ANK2: variants seen among roughly 807,000 people sequenced by gnomAD.
The protein encoded by ANK2 is ankyrin-2.
ANK2 carries 83 observed loss-of-function variants against 360.5 expected under a neutral mutation model. That is an observed-to-expected ratio of 0.23 (90% CI 0.19 to 0.28). The LOEUF is 0.28. Ranked by LOEUF, ANK2 falls within the 10% of genes least tolerant of loss-of-function variation. The probability of loss-of-function intolerance (pLI) is 1.00; values close to 1 mark genes in which losing one functional copy is unlikely to be tolerated. For missense variants in ANK2, 4,201 were observed against 4,795.7 expected (o/e 0.88, Z 3.66); for synonymous variants, 1,740 against 1,759.5 (o/e 0.99, Z 0.28).
rs1000587271 is a variant in ANK2, at chr4:113,106,686, TTTTTG to T, written c.84+56888_84+56892del. ...TGTGGTTGTATGTGTTGTTAGTTTGTTTTTGTTTTGTTTTGTTTGGGAAAGGTGAC... is the reference window on the plus strand; with the variant it reads ...TGTGGTTGTATGTGTTGTTAGTTTGTTTTTGTTTTGTTTGGGAAAGGTGAC... On this transcript the variant is annotated intron_variant, in intron 1 of 45. Coordinates refer to ENST00000357077, the MANE Select transcript of ANK2 (RefSeq NM_001148.6). Among the ~76,000 whole-genome samples the T allele has an allele frequency of 2.6e-5, 4 of 152,162 alleles. No homozygotes were observed. In the South Asian group the frequency reaches 8.3e-4, roughly 32 times the overall value.
chr4:113,086,993 AT>A (rs1473288011), intron 1 of ANK2, among the ~76,000 whole-genome samples: 10 of 152,170 alleles, frequency 6.6e-5, no homozygotes, highest in African/African-American at 2.4e-4. Flanking sequence ...ATGTTGGGTG[AT>A]AGGAATACAG....
intron 2 of ANK2, among the ~76,000 whole-genome samples, chr4:112,919,381 T>A (rs2090849067): frequency 6.6e-6 from 1 of 152,146 alleles, no homozygotes; most frequent in Non-Finnish European, 1.5e-5. Flanking sequence ...TTATTTTAAA[T>A]TAAAAACTAT....
At chr4:113,340,983 T>G (rs557029682) in intron 32 of ANK2, among the ~76,000 whole-genome samples, 2 of 152,352 alleles carry the variant, frequency 1.3e-5, no homozygotes, top group South Asian at 4.1e-4. Flanking sequence ...TGGTGAGGGA[T>G]GAAGCTTAAA....
chr4:112,898,792 C>T lies in ANK2; in HGVS notation c.-39-5663C>T, dbSNP rs1015688172. Among the ~76,000 whole-genome samples the T allele has an allele frequency of 3.9e-5, 6 of 152,128 alleles. No individual in the cohort carries two copies. In the East Asian group the frequency reaches 1.2e-3, roughly 29 times the overall value. On this transcript the variant is annotated intron_variant, in intron 1 of 30. Transcript: ENST00000503271. ...TAACTAAGCTCATGGCTTACTCAGACCTTTTTCCAAGAGAAAGAATTTTTT... is the reference window on the plus strand; with the variant it reads ...TAACTAAGCTCATGGCTTACTCAGATCTTTTTCCAAGAGAAAGAATTTTTT...
chr4:112,730,655 A>AG, the ANK2 span, among the ~76,000 whole-genome samples: 4 of 150,312 alleles, frequency 2.7e-5, no homozygotes, highest in Admixed American at 6.6e-5. Flanking sequence ...AAAAAAAAAA[A>AG]AAAGAAAGAA....
In ANK2 at chr4:112,979,164, T is replaced by C. The variant is rs1436210293; in HGVS notation, c.21+74650T>C. On this transcript the variant is annotated intron_variant, in intron 2 of 30. Transcript: ENST00000503271. ...GCTCGTGCTACCAGCCCAGATCCCATATCTGCCAAGGGCGAGCCAGGTGCA... is the reference window on the plus strand; with the variant it reads ...GCTCGTGCTACCAGCCCAGATCCCACATCTGCCAAGGGCGAGCCAGGTGCA... Among the ~76,000 whole-genome samples the C allele has an allele frequency of 2.6e-5, 4 of 152,310 alleles. 1 individual carries two copies. Among genetic ancestry groups the C allele is most frequent in the Middle Eastern group, 3.4e-3 (1 of 294 alleles).
chr4:112,895,851 GA>G (rs1451566660), intron 1 of ANK2, among the ~76,000 whole-genome samples: 2 of 152,220 alleles, frequency 1.3e-5, no homozygotes, highest in African/African-American at 4.8e-5. Flanking sequence ...GTTCTTGGTT[GA>G]CAGTAATGTC....
chr4:112,904,703 G>T (rs2150923352), intron 2 of ANK2, among the ~76,000 whole-genome samples: 1 of 152,126 alleles, frequency 6.6e-6, no homozygotes, highest in Middle Eastern at 3.4e-3. Context: ...TGTAGTCTAG[G>T]CAATTATCAT....
chr4:113,229,773 C>A (rs1195928168), intron 4 of ANK2, among the ~76,000 whole-genome samples: 1 of 152,166 alleles, frequency 6.6e-6, no homozygotes, highest in African/African-American at 2.4e-5. Context: ...GGACCCAGGG[C>A]AGGGTCCTTT....
rs556995644 is a variant in ANK2 at position 112,842,832 on chromosome 4, A to G, written c.-40+24568A>G. On this transcript the variant is annotated intron_variant, in intron 1 of 30. Coordinates refer to the ANK2 transcript ENST00000503271. ...GCTGTAACAAAGCTCTATTTAAGACAAAAGACATTTATTATCTTACAATTA... is the reference window on the plus strand; with the variant it reads ...GCTGTAACAAAGCTCTATTTAAGACGAAAGACATTTATTATCTTACAATTA... Among the ~76,000 whole-genome samples, 8 of 152,360 alleles carry G rather than the reference A, an allele frequency of 5.3e-5. No homozygotes were observed. In the East Asian group the frequency reaches 1.3e-3, roughly 26 times the overall value.
intron 1 of ANK2, among the ~76,000 whole-genome samples, chr4:113,068,902 A>G (rs2076553749): frequency 6.6e-6 from 1 of 152,094 alleles, no homozygotes; most frequent in Middle Eastern, 3.2e-3. Context: ...TCTGTACAAA[A>G]AGTTTTCAAA....
chr4:113,300,350 T>C (rs1392878734), intron 22 of ANK2, among the ~76,000 whole-genome samples: 2 of 149,962 alleles, frequency 1.3e-5, no homozygotes, highest in Non-Finnish European at 3.0e-5. Context: ...TAACTAAAAT[T>C]CCACCCAAAG....
chr4:112,790,120 A>G, the ANK2 span, among the ~76,000 whole-genome samples: 1 of 152,230 alleles, frequency 6.6e-6, no homozygotes, highest in Admixed American at 6.5e-5. Flanking sequence ...CATTTCTTCT[A>G]TATGGTAGAG....
Position 113,332,033 on chromosome 4 carries a change from A to C in ANK2, c.3187A>C (p.Ile1063Leu). 2 of 1,614,134 alleles carry C rather than the reference A, an allele frequency of 1.2e-6. No individual in the cohort carries two copies. Among genetic ancestry groups the C allele is most frequent in the South Asian group, 2.2e-5 (2 of 91,072 alleles). ...TGAGGGAGAAAGTTTGGTCAGCCGCATTCTTCAGCTGGGGCCTCCTGGAAC... is the reference window on the plus strand; with the variant it reads ...TGAGGGAGAAAGTTTGGTCAGCCGCCTTCTTCAGCTGGGGCCTCCTGGAAC... ...LNEGESLVSR[I>L]LQLGPPGTKF... Residue 1063 changes from isoleucine to leucine, a missense_variant, in exon 28 of 46, where the codon ATT (isoleucine) becomes CTT (leucine). Ile to Leu is a conservative substitution (Grantham distance 5). This residue lies in a region of ANK2 where 1,268 missense variants were observed against 1,650.8 expected (regional missense o/e 0.77). Transcript: ENST00000357077.
chr4:113,275,647 T>G (rs766817952), intron 15 of ANK2, among the ~76,000 whole-genome samples: 39 of 151,998 alleles, frequency 2.6e-4, no homozygotes, highest in Admixed American at 1.4e-3. Context: ...TAAAAGGTAT[T>G]TTGATATAAG....
At chr4:113,268,081 A>C (rs776718580) in intron 14 of ANK2, among the ~76,000 whole-genome samples, 10 of 152,068 alleles carry the variant, frequency 6.6e-5, no homozygotes, top group Admixed American at 2.0e-4. Context: ...GAATGCTTGT[A>C]ATTTTTGCAC....
chr4:112,933,413 A>G (rs2093433508), intron 2 of ANK2, among the ~76,000 whole-genome samples: 1 of 152,172 alleles, frequency 6.6e-6, no homozygotes, highest in Non-Finnish European at 1.5e-5. Flanking sequence ...CTTTGGATAT[A>G]TCACCTAACC....
chr4:113,201,902 G>T (rs1375619009), intron 4 of ANK2, among the ~76,000 whole-genome samples: 1 of 152,108 alleles, frequency 6.6e-6, no homozygotes, highest in Non-Finnish European at 1.5e-5. Context: ...TCATTATTAA[G>T]ACGTTAAAAT....
Position 113,049,829 on chromosome 4 carries a change from A to T in ANK2, c.84+17A>T. On this transcript the variant is annotated intron_variant, in intron 1 of 45. Transcript: ENST00000357077. ...CCCAAGAAGGTAAATCGCCGGAATT[A>T]GGAATGTCTGTGTATAAATATGTAT... 1.2e-6 allele frequency: 2 copies of T among 1,613,254 alleles called. No homozygotes were observed. Among genetic ancestry groups the T allele is most frequent in the South Asian group, 2.2e-5 (2 of 91,004 alleles).
Sources: gnomAD v4.1 joint callset for allele counts (sites outside exome capture counted in the v4.1 genomes callset) on GRCh38, gnomAD v4.1.1 for gene constraint, gnomAD v4.1.1 regional missense constraint, MANE v1.5 for transcripts, NCBI Gene and HGNC (gene_info 2026-07-23, HGNC 2026-07-21) for gene names.